TBXAS1: variants seen among roughly 807,000 people sequenced by gnomAD.
The protein encoded by TBXAS1 is thromboxane A synthase 1, also known as thromboxane-A synthase.
Under a neutral mutation model 60.7 loss-of-function variants are expected in TBXAS1, and 48 were observed. The observed-to-expected ratio is 0.79, with a 90% CI of 0.63 to 1.01. TBXAS1 has a LOEUF of 1.01. Ranked by LOEUF, TBXAS1 falls within the 50% of genes least tolerant of loss-of-function variation. The probability of loss-of-function intolerance (pLI) is 0.00; values close to 1 mark genes in which losing one functional copy is unlikely to be tolerated. For missense variants in TBXAS1, 685 were observed against 686.3 expected, an observed-to-expected ratio of 1.00 and a Z score of 0.02; for synonymous variants, 287 against 269.7, an observed-to-expected ratio of 1.06 and a Z score of -0.63.
intron 4 of TBXAS1, among the ~76,000 whole-genome samples, chr7:139,807,968 T>A (rs1797920023): frequency 6.6e-6 from 1 of 152,138 alleles, no homozygotes; most frequent in African/African-American, 2.4e-5. Context: ...TCATTGAATG[T>A]GGAGTTGGGT....
chr7:139,966,607 C>T (rs533455156), intron 9 of TBXAS1, among the ~76,000 whole-genome samples: 2 of 152,342 alleles, frequency 1.3e-5, no homozygotes, highest in African/African-American at 4.8e-5. Context: ...AACTTGAAAC[C>T]ATTTGGTGTT....
At chr7:139,986,753 A>G (rs1240476328) in intron 9 of TBXAS1, among the ~76,000 whole-genome samples, 26 of 52,264 alleles carry the variant, frequency 5.0e-4, no homozygotes, top group Admixed American at 1.1e-3. Flanking sequence ...ACATATATAT[A>G]TATGTGTGTG....
At chr7:139,880,072 C>G (rs1313935577) in intron 3 of TBXAS1, among the ~76,000 whole-genome samples, 1 of 152,068 alleles carries the variant, frequency 6.6e-6, no homozygotes, top group Non-Finnish European at 1.5e-5. Flanking sequence ...TTGGTAAAGA[C>G]GGGGCTTCAA....
intron 3 of TBXAS1, among the ~76,000 whole-genome samples, chr7:139,893,479 G>A (rs1038996472): frequency 3.3e-5 from 5 of 152,002 alleles, no homozygotes; most frequent in African/African-American, 1.2e-4. Flanking sequence ...CAGGGCCATC[G>A]AACTATTTAT....
intron 9 of TBXAS1, among the ~76,000 whole-genome samples, chr7:140,003,402 A>C (rs1184130702): frequency 6.6e-6 from 1 of 152,070 alleles, no homozygotes; most frequent in African/African-American, 2.4e-5. Flanking sequence ...ACAGGGTTTC[A>C]TCATGTTGGC....
rs147483573 is a variant in TBXAS1, at chr7:139,893,382, C to T, written c.236+17745C>T. Among the ~76,000 whole-genome samples, 1,075 of 144,354 alleles carry T rather than the reference C, an allele frequency of 7.4e-3. 17 individuals carry two copies. Among genetic ancestry groups the T allele is most frequent in the African/African-American group, 0.027 (1,050 of 38,368 alleles). The allele number at this position is 144,354 out of a possible 152,430, so 94.7% of individuals were successfully genotyped here. On this transcript the variant is annotated intron_variant, in intron 3 of 12. Coordinates refer to ENST00000448866, the MANE Select transcript of TBXAS1 (RefSeq NM_001061.7). The stretch of plus-strand genomic sequence containing the variant: ...CACACACACACAGCTCCCTTCAATA[C>T]CCCCGAATATACATGCCTGGGCATA...
chr7:139,925,971 C>A (rs367556970), intron 4 of TBXAS1, among the ~76,000 whole-genome samples: 2 of 152,174 alleles, frequency 1.3e-5, no homozygotes, highest in Non-Finnish European at 2.9e-5. Flanking sequence ...ATGCTTGCAT[C>A]CCAGTGATAA....
intron 3 of TBXAS1, among the ~76,000 whole-genome samples, chr7:139,901,249 C>T (rs865775850): frequency 2.0e-5 from 3 of 150,498 alleles, no homozygotes; most frequent in East Asian, 1.9e-4. Context: ...AGTTTTCTCA[C>T]GAGATTCATA....
chr7:139,877,215 G>A (rs528410224), intron 3 of TBXAS1, among the ~76,000 whole-genome samples: 41 of 152,252 alleles, frequency 2.7e-4, no homozygotes, highest in Admixed American at 1.2e-3. Flanking sequence ...GAGGCAAGGC[G>A]TGTCTTTAAA....
intron 1 of TBXAS1, among the ~76,000 whole-genome samples, chr7:139,854,341 A>G (rs1413113465): frequency 6.6e-6 from 1 of 152,180 alleles, no homozygotes; most frequent in Non-Finnish European, 1.5e-5. Context: ...CAGTGAGGCT[A>G]GCAGTCAAGC....
chr7:139,844,862 A>G (rs1460632225), intron 1 of TBXAS1, among the ~76,000 whole-genome samples: 6 of 152,288 alleles, frequency 3.9e-5, no homozygotes, highest in South Asian at 2.1e-4. Context: ...TTTACAGTGT[A>G]GGGACAGACA....
At chr7:140,001,110 G>A (rs2116341283) in intron 9 of TBXAS1, among the ~76,000 whole-genome samples, 1 of 152,310 alleles carries the variant, frequency 6.6e-6, no homozygotes. Context: ...CAAGGTCAAG[G>A]GGAGGCGCTG....
chr7:139,872,420 C>A, intron 2 of TBXAS1, 92 bp downstream of exon 2: 1 of 1,278,600 alleles, frequency 7.8e-7, no homozygotes, highest in Non-Finnish European at 1.1e-6. Context: ...TTTGGGAGGC[C>A]GAAGCGTGTG....
At chr7:139,785,469 G>A (rs1005330314) in intron 3 of TBXAS1, among the ~76,000 whole-genome samples, 7 of 24,612 alleles carry the variant, frequency 2.8e-4, no homozygotes, top group Non-Finnish European at 4.1e-4. Flanking sequence ...CCATTGTTTC[G>A]TTGTTGTTGT....
rs762830360 is a variant in TBXAS1, at chr7:139,829,415, T to G, written c.25T>G (p.Leu9Val). 1 of 1,613,890 alleles carries G rather than the reference T, an allele frequency of 6.2e-7. No individual in the cohort carries two copies. Among genetic ancestry groups the G allele is most frequent in the Non-Finnish European group, 8.5e-7 (1 of 1,179,928 alleles). The change falls in exon 1 of 13, where the codon TTG (leucine) becomes GTG (valine). Residue 9 changes from leucine (L) to valine (V), a missense_variant. Leu to Val is a conservative substitution (Grantham distance 32, BLOSUM62 1). Transcript: ENST00000448866. ...GATGGAAGCCTTGGGGTTTCTAAAA[T>G]TGGAAGTGAATGGCCCCATGGTGAC... is the stretch of plus-strand genomic sequence containing the variant. MEALGFLK[L>V]EVNGPMVTVA...
upstream of TBXAS1, among the ~76,000 whole-genome samples, chr7:139,824,365 A>G (rs1798381978): frequency 6.6e-6 from 1 of 152,184 alleles, no homozygotes; most frequent in African/African-American, 2.4e-5. Context: ...TTTTGGAAAC[A>G]CACATCTTTG....
intron 3 of TBXAS1, among the ~76,000 whole-genome samples, chr7:139,890,351 G>A (rs1048717089): frequency 6.6e-6 from 1 of 151,646 alleles, no homozygotes; most frequent in Admixed American, 6.6e-5. Flanking sequence ...GAGTAGCTGG[G>A]ACTACAGGCG....
intron 12 of TBXAS1, among the ~76,000 whole-genome samples, chr7:140,018,762 C>T (rs1202401581): frequency 6.6e-6 from 1 of 152,228 alleles, no homozygotes; most frequent in Non-Finnish European, 1.5e-5. Context: ...ATGGCAGGGA[C>T]CCAGTCTGTC....
intron 1 of TBXAS1, among the ~76,000 whole-genome samples, chr7:139,843,489 C>G (rs1290518517): frequency 2.6e-5 from 4 of 152,070 alleles, no homozygotes; most frequent in Non-Finnish European, 5.9e-5. Context: ...GCTACAGGTG[C>G]GTGCCACCAT....
Sources: allele counts gnomAD v4.1 joint callset (sites outside exome capture counted in the v4.1 genomes callset), GRCh38; gene constraint gnomAD v4.1.1; transcripts MANE v1.5; gene names NCBI Gene and HGNC (gene_info 2026-07-23, HGNC 2026-07-21).